Variants in TASOR2 observed in about 807,000 individuals in gnomAD.
The protein encoded by TASOR2 is protein TASOR 2.
Under a neutral mutation model 199.5 loss-of-function variants are expected in TASOR2, and 84 were observed. The ratio of observed to expected loss-of-function variants is 0.42; its 90% CI spans 0.35 to 0.50. The LOEUF (loss-of-function observed/expected upper bound fraction) is 0.50, where lower values mean the gene tolerates loss of function less well. TASOR2 is among the 20% of genes least tolerant of loss of function. The pLI is 0.02. For synonymous variants in TASOR2, 1,103 were observed against 1,046.6 expected (o/e 1.05, Z -1.04); for missense variants, 2,796 against 2,835.9 (o/e 0.99, Z 0.32).
chr10:5,719,250 CA>C lies in TASOR2; in HGVS notation c.-99-1293del, dbSNP rs1349692288. On this transcript the variant is annotated intron_variant, in intron 3 of 20. Transcript: ENST00000328090. The surrounding 1 kb of genome is among the most constrained non-coding windows in gnomAD (Gnocchi z 4.1). Reference sequence around the variant, plus strand: ...ATATAAGTTAATAACATCTTGTGAACATTGTCTTATGTCATTGTATTATTCA... The same window carrying C: ...ATATAAGTTAATAACATCTTGTGAACTTGTCTTATGTCATTGTATTATTCA... Among the ~76,000 whole-genome samples, 2 of 152,130 alleles carry C rather than the reference CA, an allele frequency of 1.3e-5. No homozygotes were observed. Among genetic ancestry groups the C allele is most frequent in the Non-Finnish European group, 2.9e-5 (2 of 68,018 alleles).
chr10:5,758,536 C>CA (rs1330555547), intron 17 of TASOR2, among the ~76,000 whole-genome samples: 30 of 150,290 alleles, frequency 2.0e-4, no homozygotes, highest in Admixed American at 6.6e-4. Flanking sequence ...AACCCTGTCT[C>CA]AAAAAAAAAG....
rs1205341131 is a variant in TASOR2, at chr10:5,699,901, C to G, written c.-287-12922C>G. Among the ~76,000 whole-genome samples the G allele has an allele frequency of 6.6e-6, 1 of 152,096 alleles. No homozygotes were observed. The highest frequency in any genetic ancestry group is 1.5e-5 in the Non-Finnish European group (1 of 67,988). On this transcript the variant is annotated intron_variant, in intron 1 of 20. Transcript: ENST00000328090. The surrounding 1 kb of genome is among the most constrained non-coding windows in gnomAD (Gnocchi z 4.1). ...ATACAGTCATATAATTTGTAGAGAT[C>G]AAGTCAGTGTAGTTGGGTCATCTGT...
In TASOR2 at chr10:5,755,855, A is replaced by G. The variant is rs573209252; in HGVS notation, c.6607-758A>G. The stretch of plus-strand genomic sequence containing the variant: ...CAAAAAGAAAAAAAAAGCCGGGCCC[A>G]GTGATGTGCACCTGTAGCCCTAGCT... On this transcript the variant is annotated intron_variant, in intron 15 of 20. Transcript: ENST00000328090. Among the ~76,000 whole-genome samples, 11 of 152,028 alleles carry G rather than the reference A, an allele frequency of 7.2e-5. No individual in the cohort carries two copies. In the East Asian group the frequency reaches 1.9e-3, roughly 27 times the overall value.
intron 1 of TASOR2, chr10:5,709,764 C>A: frequency 1.9e-6 from 2 of 1,055,366 alleles, no homozygotes; most frequent in Non-Finnish European, 2.4e-6. Flanking sequence ...AACAAAAAGA[C>A]TTTAAAAAAT....
intron 11 of TASOR2, among the ~76,000 whole-genome samples, chr10:5,734,999 TTTTG>T (rs904076390): frequency 1.1e-4 from 16 of 152,156 alleles, no homozygotes; most frequent in African/African-American, 2.2e-4. Flanking sequence ...CAGCCCAAAG[TTTTG>T]TTTGTTTGTT....
chr10:5,727,267 C>A, intron 10 of TASOR2, 144 bp downstream of exon 11: 1 of 769,146 alleles, frequency 1.3e-6, no homozygotes, highest in Non-Finnish European at 2.1e-6. Context: ...GTTCACCCTT[C>A]TTGACCTCCC....
At chr10:5,702,501 A>T (rs2131522844) in intron 1 of TASOR2, among the ~76,000 whole-genome samples, 1 of 152,216 alleles carries the variant, frequency 6.6e-6, no homozygotes, top group Non-Finnish European at 1.5e-5. Flanking sequence ...AATTTTTTGA[A>T]GAGTTCAAAT....
intron 20 of TASOR2, 127 bp downstream of exon 21, chr10:5,762,773 T>G: frequency 1.4e-6 from 1 of 691,494 alleles, no homozygotes. Context: ...AAATTTAAAG[T>G]GTTTGTTTAG....
At chr10:5,731,188 C>A (rs897489083) in exon 11 of TASOR2, 2 of 1,599,014 alleles carry the variant, frequency 1.3e-6, no homozygotes, top group African/African-American at 1.3e-5. Flanking sequence ...ACAGTTTCCT[C>A]AGAAAAGAAA....
chr10:5,733,371 G>A (rs1835119748), intron 11 of TASOR2, among the ~76,000 whole-genome samples: 1 of 152,136 alleles, frequency 6.6e-6, no homozygotes, highest in Non-Finnish European at 1.5e-5. Flanking sequence ...AGCCAGGTAT[G>A]GGGGCACTTG....
At chr10:5,732,289 A>G (rs1834926925) in intron 11 of TASOR2, among the ~76,000 whole-genome samples, 1 of 152,256 alleles carries the variant, frequency 6.6e-6, no homozygotes, top group African/African-American at 2.4e-5. Flanking sequence ...AAGGCAGCAC[A>G]TTATGGCCAA....
Position 5,712,838 on chromosome 10 carries a change from C to CAA in TASOR2, c.-271_-270dup. ...CTTTATACAGTACAAAACTTTTTAC[C>CAA]AACAAAAAAAAGCAAGTAGTTATAC... On this transcript the variant is annotated 5_prime_UTR_variant, in exon 2 of 21. The change abolishes the stop of an existing upstream ORF in the 5' untranslated region. Transcript: ENST00000328090. The CAA allele has an allele frequency of 8.1e-7, 1 of 1,229,002 alleles. No homozygotes were observed. The highest frequency in any genetic ancestry group is 1.0e-6 in the Non-Finnish European group (1 of 985,620). The allele number at this position is 1,229,002 out of a possible 1,614,324, so 76.1% of individuals were successfully genotyped here.
exon 15 of TASOR2, chr10:5,749,837 C>T: frequency 6.2e-7 from 1 of 1,614,144 alleles, no homozygotes; most frequent in Non-Finnish European, 8.5e-7. Flanking sequence ...AATGATGTTT[C>T]TGGAGAAGCC....
At chr10:5,760,252 T>A (rs2797497) in intron 18 of TASOR2, among the ~76,000 whole-genome samples, 12,906 of 152,194 alleles carry the variant, frequency 0.085, 1,376 homozygotes, top group East Asian at 0.44. Flanking sequence ...TACAGTAGTA[T>A]AATTTTATGG....
rs556576092 is a variant in TASOR2, at chr10:5,738,748, C to G, written c.1448-870C>G. On this transcript the variant is annotated intron_variant, in intron 12 of 20. Transcript: ENST00000328090. The surrounding 1 kb of genome is among the most constrained non-coding windows in gnomAD (Gnocchi z 4.7). ...ATAGTTGGCTTTTCTGGTCATCTGTCTACCTGCAGCAGGGAATCATTGCCT... is the reference window on the plus strand; with the variant it reads ...ATAGTTGGCTTTTCTGGTCATCTGTGTACCTGCAGCAGGGAATCATTGCCT... 3.2e-5 allele frequency among the ~76,000 whole-genome samples: 4 copies of G among 124,706 alleles called. No individual in the cohort carries two copies. The highest frequency in any genetic ancestry group is 5.0e-5 in the Non-Finnish European group (3 of 59,600). 81.8% of individuals were successfully genotyped at this position (124,706 alleles called of 152,430 possible).
chr10:5,691,692 T>G (rs1836442551), intron 1 of TASOR2, among the ~76,000 whole-genome samples: 1 of 152,202 alleles, frequency 6.6e-6, no homozygotes, highest in Admixed American at 6.5e-5. Context: ...GTGGGTATCT[T>G]AGATTGCTTA....
chr10:5,754,489 A>G lies in TASOR2; in HGVS notation c.6607-2124A>G, dbSNP rs1046322262. Among the ~76,000 whole-genome samples the G allele has an allele frequency of 3.3e-5, 5 of 151,874 alleles. No homozygotes were observed. The highest frequency in any genetic ancestry group is 5.9e-5 in the Non-Finnish European group (4 of 67,986). On this transcript the variant is annotated intron_variant, in intron 15 of 20. Coordinates refer to ENST00000328090, the Ensembl canonical transcript of TASOR2. The surrounding 1 kb of genome is among the most constrained non-coding windows in gnomAD (Gnocchi z 4.3). ...ACTGCAGCCTCCGTCTTCTGGTTTC[A>G]AGTGATTCTCCTGCCTCACCTTCTC...
At position 5,699,663 on chromosome 10, in the gene TASOR2, C is replaced by A. The variant is rs1036391034; in HGVS notation, c.-287-13160C>A. On this transcript the variant is annotated intron_variant, in intron 1 of 20. Transcript: ENST00000328090. The surrounding 1 kb of genome is among the most constrained non-coding windows in gnomAD (Gnocchi z 4.1). ...AAAAAAAGAAATAGAGAAAAATGAT[C>A]AAGCCATTTCAGAAGTACACAAGGG... 3.9e-6 allele frequency: 1 copy of A among 256,900 alleles called. No individual in the cohort carries two copies. The highest frequency in any genetic ancestry group is 6.1e-6 in the Non-Finnish European group (1 of 164,154). The allele number at this position is 256,900 out of a possible 1,614,324, so 15.9% of individuals were successfully genotyped here. A position where few individuals can be genotyped will look rare whatever the true frequency, so the allele number is the denominator to read the frequency against.
rs1434162468 is a variant in TASOR2 at position 5,761,279 on chromosome 10, A to C, written c.6993-11A>C. ...GAAAAATATTTTAATATGCCTATGT[A>C]TCTTTCACAGAGTGGATTCAACTGC... On this transcript the variant is annotated splice_polypyrimidine_tract_variant and intron_variant, in intron 18 of 20. Coordinates refer to ENST00000328090, the Ensembl canonical transcript of TASOR2. The C allele has an allele frequency of 1.2e-6, 2 of 1,607,506 alleles. No homozygotes were observed. The highest frequency in any genetic ancestry group is 2.2e-5 in the East Asian group (1 of 44,810).
Sources: gnomAD v4.1 joint callset for allele counts (sites outside exome capture counted in the v4.1 genomes callset) on GRCh38, gnomAD v4.1.1 for gene constraint, Gnocchi (gnomAD v3.1) non-coding constraint, MANE v1.5 for transcripts, NCBI Gene and HGNC (gene_info 2026-07-23, HGNC 2026-07-21) for gene names.